KCNH8: variants seen among roughly 807,000 people sequenced by gnomAD.
The protein encoded by KCNH8 is potassium voltage-gated channel subfamily H member 8.
Under a neutral mutation model 103.6 loss-of-function variants are expected in KCNH8, and 70 were observed. The observed-to-expected ratio is 0.68, with a 90% confidence interval of 0.56 to 0.82. KCNH8 has a LOEUF of 0.82. Ranked by LOEUF, KCNH8 falls within the 40% of genes least tolerant of loss-of-function variation. KCNH8 has a pLI of 0.00. For missense variants in KCNH8, 1,217 were observed against 1,329.9 expected, an observed-to-expected ratio of 0.92 and a Z score of 1.32; for synonymous variants, 498 against 489.4, an observed-to-expected ratio of 1.02 and a Z score of -0.23.
At chr3:19,340,821 G>T (rs1216887442) in intron 3 of KCNH8, among the ~76,000 whole-genome samples, 1 of 152,162 alleles carries the variant, frequency 6.6e-6, no homozygotes, top group East Asian at 1.9e-4. Flanking sequence ...ATACAGGTCT[G>T]CAGCAAACTC....
chr3:19,338,325 T>C (rs543991042), intron 3 of KCNH8, among the ~76,000 whole-genome samples: 1 of 152,124 alleles, frequency 6.6e-6, no homozygotes, highest in Non-Finnish European at 1.5e-5. Context: ...TCCTCGACCC[T>C]ATCTTATTAA....
chr3:19,282,027 G>A (rs914238982), intron 3 of KCNH8, among the ~76,000 whole-genome samples: 2 of 152,066 alleles, frequency 1.3e-5, no homozygotes, highest in African/African-American at 2.4e-5. Flanking sequence ...CTAGTCACCA[G>A]AGAAAAAGCA....
At chr3:19,354,419 C>T (rs2065849336) in intron 5 of KCNH8, among the ~76,000 whole-genome samples, 1 of 152,152 alleles carries the variant, frequency 6.6e-6, no homozygotes, top group Non-Finnish European at 1.5e-5. Flanking sequence ...GCCCGCATTG[C>T]CAAGTCAGTC....
chr3:19,489,552 T>C (rs959127454), intron 11 of KCNH8, among the ~76,000 whole-genome samples: 1 of 152,162 alleles, frequency 6.6e-6, no homozygotes, highest in Non-Finnish European at 1.5e-5. Flanking sequence ...AACGTACCTG[T>C]AATGCTGGCC....
chr3:19,344,935 A>C lies in KCNH8; in HGVS notation c.570+2221A>C, dbSNP rs371283505. Among the ~76,000 whole-genome samples the C allele has an allele frequency of 2.8e-4, 43 of 152,160 alleles. 2 individuals are homozygous for C. In the East Asian group the frequency reaches 4.5e-3, roughly 16 times the overall value. ...CAGCAGTTGTGGTACCCAACCTTTA[A>C]TCTTCTAATTCAAAGCCACTGTGCT... On this transcript the variant is annotated intron_variant, in intron 4 of 15. Transcript: ENST00000328405.
chr3:19,492,538 G>A (rs1027549205), intron 11 of KCNH8, among the ~76,000 whole-genome samples: 5 of 152,102 alleles, frequency 3.3e-5, no homozygotes, highest in Admixed American at 3.3e-4. Context: ...CTGTGTGTCT[G>A]TTTTTGTAAC....
At chr3:19,152,791 CCGGGTGTGG>C (rs1400112366) in intron 1 of KCNH8, among the ~76,000 whole-genome samples, 1 of 151,960 alleles carries the variant, frequency 6.6e-6, no homozygotes, top group Non-Finnish European at 1.5e-5. Flanking sequence ...CAAAAATTAG[CCGGGTGTGG>C]CGGCATGCAC....
chr3:19,509,692 T>C (rs920189828), intron 11 of KCNH8, among the ~76,000 whole-genome samples: 3 of 152,218 alleles, frequency 2.0e-5, no homozygotes, highest in South Asian at 2.1e-4. Context: ...TCAACACTGA[T>C]TGGCAGCAGT....
chr3:19,193,563 G>A (rs1311005326), intron 1 of KCNH8, among the ~76,000 whole-genome samples: 1 of 151,528 alleles, frequency 6.6e-6, no homozygotes, highest in South Asian at 2.1e-4. Flanking sequence ...AGATGAGAAA[G>A]GTATAAAAAC....
chr3:19,465,032 T>G (rs1296022199), intron 11 of KCNH8, among the ~76,000 whole-genome samples: 1 of 152,224 alleles, frequency 6.6e-6, no homozygotes, highest in Non-Finnish European at 1.5e-5. Flanking sequence ...AGGCATTACT[T>G]AGAAGATTTT....
chr3:19,522,120 T>A (rs2068980808), intron 15 of KCNH8, among the ~76,000 whole-genome samples: 1 of 151,908 alleles, frequency 6.6e-6, no homozygotes, highest in Non-Finnish European at 1.5e-5. Context: ...TTTTAATCCA[T>A]CTTGAATCTT....
intron 5 of KCNH8, among the ~76,000 whole-genome samples, chr3:19,367,899 C>T (rs973246454): frequency 6.6e-6 from 1 of 151,974 alleles, no homozygotes; most frequent in Non-Finnish European, 1.5e-5. Flanking sequence ...TCAAGGACCC[C>T]TTTACTGTTG....
rs551878848 is a variant in KCNH8 at position 19,507,187 on chromosome 3, G to T, written c.2041-3176G>T. Among the ~76,000 whole-genome samples, 5 of 152,324 alleles carry T rather than the reference G, an allele frequency of 3.3e-5. No homozygotes were observed. The South Asian group carries it at 1.0e-3, about 32-fold the overall frequency. ...GAGAGACTGAGCTCCTCTCTGTATG[G>T]TGGCTGTGGTGTGCTTGGAGCACAG... On this transcript the variant is annotated intron_variant, in intron 11 of 15. Transcript: ENST00000328405.
At chr3:19,175,774 T>C (rs1309444550) in intron 1 of KCNH8, among the ~76,000 whole-genome samples, 3 of 152,214 alleles carry the variant, frequency 2.0e-5, no homozygotes, top group African/African-American at 7.2e-5. Flanking sequence ...TTGATTCTTC[T>C]GTTGATCATG....
At chr3:19,335,074 T>G (rs2125312583) in intron 3 of KCNH8, among the ~76,000 whole-genome samples, 1 of 152,118 alleles carries the variant, frequency 6.6e-6, no homozygotes, top group South Asian at 2.1e-4. Flanking sequence ...TTTTTAGATT[T>G]TAGCCTTTTT....
At chr3:19,370,639 AG>A (rs2066076292) in intron 5 of KCNH8, among the ~76,000 whole-genome samples, 1 of 152,192 alleles carries the variant, frequency 6.6e-6, no homozygotes, top group African/African-American at 2.4e-5. Flanking sequence ...TTTAAGTTTT[AG>A]GGTACATATG....
chr3:19,289,077 G>A (rs2125280064), intron 3 of KCNH8, among the ~76,000 whole-genome samples: 1 of 152,128 alleles, frequency 6.6e-6, no homozygotes, highest in East Asian at 1.9e-4. Flanking sequence ...TGATGGGGTT[G>A]TTTTTTTCTT....
At chr3:19,306,081 T>G (rs2065126317) in intron 3 of KCNH8, among the ~76,000 whole-genome samples, 1 of 152,122 alleles carries the variant, frequency 6.6e-6, no homozygotes. Flanking sequence ...ATCTGGAAAC[T>G]TCTGGTTTTC....
At chr3:19,329,461 T>G (rs1199155347) in intron 3 of KCNH8, among the ~76,000 whole-genome samples, 2 of 152,196 alleles carry the variant, frequency 1.3e-5, no homozygotes, top group Non-Finnish European at 2.9e-5. Flanking sequence ...AAGCTATAAT[T>G]ATGGCTTATA....
Sources: allele counts gnomAD v4.1 joint callset (sites outside exome capture counted in the v4.1 genomes callset), GRCh38; gene constraint gnomAD v4.1.1; transcripts MANE v1.5; gene names NCBI Gene and HGNC (gene_info 2026-07-23, HGNC 2026-07-21).